EPB41L4B: variants seen among roughly 807,000 people sequenced by gnomAD.
EPB41L4B encodes the protein erythrocyte membrane protein band 4.1 like 4B, also known as band 4.1-like protein 4B.
In EPB41L4B, 30 loss-of-function variants were observed where a neutral mutation model predicts 112.5. The ratio of observed to expected loss-of-function variants is 0.27; its 90% confidence interval spans 0.20 to 0.36. The LOEUF (loss-of-function observed/expected upper bound fraction) is 0.36, where lower values mean the gene tolerates loss of function less well. EPB41L4B is among the 10% of genes least tolerant of loss of function. The pLI is 1.00. For synonymous variants in EPB41L4B, 408 were observed against 439.7 expected (o/e 0.93, Z 0.90); for missense variants, 1,024 against 1,133.3 (o/e 0.90, Z 1.38).
chr9:109,289,188 T>C (rs1836427609), intron 1 of EPB41L4B, among the ~76,000 whole-genome samples: 1 of 152,162 alleles, frequency 6.6e-6, no homozygotes, highest in South Asian at 2.1e-4. Flanking sequence ...CCTAACCTAA[T>C]TCAAGTTTTA....
chr9:109,320,645 C>G lies in EPB41L4B; in HGVS notation c.-199G>C, dbSNP rs1197971112. ...TAGCCGCCTGCGGGGCGCGCCGGCC[C>G]GGCCAGCGCCGGCTGCGAGTGGCCG... On this transcript the variant is annotated 5_prime_UTR_variant, in exon 1 of 26. Coordinates refer to ENST00000374566, the MANE Select transcript of EPB41L4B (RefSeq NM_019114.5). 1.3e-5 allele frequency: 2 copies of G among 148,456 alleles called. No homozygotes were observed. The highest frequency in any genetic ancestry group is 1.4e-4 in the Admixed American group (2 of 14,624). The allele number at this position is 148,456 out of a possible 1,614,324, so 9.2% of individuals were successfully genotyped here. A position where few individuals can be genotyped will look rare whatever the true frequency, so the allele number is the denominator to read the frequency against.
At chr9:109,245,071 A>C (rs917374507) in intron 14 of EPB41L4B, among the ~76,000 whole-genome samples, 1 of 152,204 alleles carries the variant, frequency 6.6e-6, no homozygotes, top group Non-Finnish European at 1.5e-5. Flanking sequence ...TCTGGAGAAA[A>C]TACCTCAGTA....
intron 18 of EPB41L4B, among the ~76,000 whole-genome samples, chr9:109,207,687 G>A (rs918157751): frequency 6.6e-5 from 10 of 152,158 alleles, no homozygotes; most frequent in African/African-American, 2.4e-4. Context: ...GGTGACTTAT[G>A]CACAATAACA....
rs532957766 is a variant in EPB41L4B, at chr9:109,247,683, C to A, written c.1344+73G>T. 3.6e-6 allele frequency: 4 copies of A among 1,126,554 alleles called. No homozygotes were observed. The African/African-American group carries it at 4.7e-5, about 13-fold the overall frequency. The allele number at this position is 1,126,554 out of a possible 1,614,324, so 69.8% of individuals were successfully genotyped here. Reference sequence around the variant, plus strand: ...CATTATGGAAAATTTAGAAACTTTACAAAAACCTTTTTTTAAATTTTATTT... The same window carrying A: ...CATTATGGAAAATTTAGAAACTTTAAAAAAACCTTTTTTTAAATTTTATTT... On this transcript the variant is annotated intron_variant, in intron 14 of 25. Transcript: ENST00000374566.
At chr9:109,307,913 G>T (rs1329230018) in intron 1 of EPB41L4B, among the ~76,000 whole-genome samples, 1 of 152,100 alleles carries the variant, frequency 6.6e-6, no homozygotes, top group Non-Finnish European at 1.5e-5. Context: ...AGCTACACTT[G>T]TTACACCCTT....
chr9:109,309,048 C>A (rs1339858700), intron 1 of EPB41L4B, among the ~76,000 whole-genome samples: 1 of 151,872 alleles, frequency 6.6e-6, no homozygotes, highest in Non-Finnish European at 1.5e-5. Flanking sequence ...GCACTCCAGC[C>A]TAGGTGACGA....
Position 109,315,595 on chromosome 9 carries a change from C to T in EPB41L4B, c.306+4546G>A, listed in dbSNP as rs115831042. The stretch of plus-strand genomic sequence containing the variant: ...TGACAATCAGGGTTCCCAAAGCAGC[C>T]GGTTCCAACTCTTTCACTGACTGAC... On this transcript the variant is annotated intron_variant, in intron 1 of 25. Coordinates refer to ENST00000374566, the MANE Select transcript of EPB41L4B (RefSeq NM_019114.5). Among the ~76,000 whole-genome samples, 4 of 152,242 alleles carry T rather than the reference C, an allele frequency of 2.6e-5. No individual in the cohort carries two copies. The South Asian group carries it at 8.3e-4, about 32-fold the overall frequency.
Position 109,182,766 on chromosome 9 carries a change from G to T in EPB41L4B, c.2450C>A (p.Pro817Gln), listed in dbSNP as rs1305888287. The change falls in exon 24 of 26, where the codon CCG becomes CAG. Residue 817 changes from proline (P) to glutamine (Q), a missense_variant. By Grantham distance (76) the Pro-to-Gln change is moderately conservative. Coordinates refer to ENST00000374566, the MANE Select transcript of EPB41L4B (RefSeq NM_019114.5). ...IKTFPVDTMNPFPDTFTTGPQ... is the reference protein window; with the variant it reads ...IKTFPVDTMNQFPDTFTTGPQ... ...CCCTGTGGTGAAAGTATCAGGAAAC[G>T]GGTTCATTGTATCAACCGGGAATGT... is the stretch of plus-strand genomic sequence containing the variant. 20 of 1,612,776 alleles carry T rather than the reference G, an allele frequency of 1.2e-5. No homozygotes were observed. The highest frequency in any genetic ancestry group is 1.7e-5 in the Non-Finnish European group (20 of 1,178,898).
chr9:109,194,626 G>GTGA (rs1832580897), intron 20 of EPB41L4B, among the ~76,000 whole-genome samples: 1 of 145,938 alleles, frequency 6.9e-6, no homozygotes, highest in African/African-American at 2.7e-5. Context: ...TGTTTTGTTG[G>GTGA]TAAAATATAT....
intron 15 of EPB41L4B, among the ~76,000 whole-genome samples, chr9:109,233,525 C>A (rs1001609207): frequency 1.3e-5 from 2 of 150,726 alleles, no homozygotes; most frequent in African/African-American, 4.9e-5. Flanking sequence ...TTTCTGGGAA[C>A]CTACTTTTTT....
intron 19 of EPB41L4B, 90 bp downstream of exon 19, chr9:109,203,573 A>G: frequency 9.5e-7 from 1 of 1,053,402 alleles, no homozygotes; most frequent in Non-Finnish European, 1.4e-6. Context: ...CTCTGATTTT[A>G]TCAGCTAATG....
At position 109,241,570 on chromosome 9, in the gene EPB41L4B, G is replaced by A. The variant is rs149000673; in HGVS notation, c.1409+2048C>T. 2.8e-4 allele frequency: 442 copies of A among 1,574,024 alleles called. 4 individuals carry two copies. In the East Asian group the frequency reaches 6.6e-3, roughly 24 times the overall value. On this transcript the variant is annotated intron_variant, in intron 15 of 25. Transcript: ENST00000374566. ...TCAGGACTACTCCTTAAAGACACTC[G>A]TCCAAACACATCCATCCATCTGAGG...
chr9:109,174,390 C>T lies in EPB41L4B; in HGVS notation c.*164G>A, dbSNP rs1453585134. 8 of 645,942 alleles carry T rather than the reference C, an allele frequency of 1.2e-5. No individual in the cohort carries two copies. The Admixed American group carries it at 1.7e-4, about 14-fold the overall frequency. 40.0% of individuals were successfully genotyped at this position (645,942 alleles called of 1,614,324 possible). A position where few individuals can be genotyped will look rare whatever the true frequency, so the allele number is the denominator to read the frequency against. On this transcript the variant is annotated 3_prime_UTR_variant, in exon 26 of 26. Coordinates refer to ENST00000374566, the MANE Select transcript of EPB41L4B (RefSeq NM_019114.5). ...CTAATGCTTAGGAGACATAAAATAA[C>T]TTTTCCCATAAAAGTCAAGCCAGAA...
intron 15 of EPB41L4B, among the ~76,000 whole-genome samples, chr9:109,238,944 G>A (rs1308516902): frequency 1.3e-5 from 2 of 152,236 alleles, no homozygotes; most frequent in Non-Finnish European, 2.9e-5. Context: ...ATATATGCTA[G>A]AGCAAGAGGA....
intron 15 of EPB41L4B, among the ~76,000 whole-genome samples, chr9:109,229,465 G>A (rs1467353375): frequency 1.3e-5 from 2 of 152,278 alleles, no homozygotes; most frequent in South Asian, 2.1e-4. Context: ...CAGTGCACAC[G>A]TATCAAGTGC....
intron 16 of EPB41L4B, among the ~76,000 whole-genome samples, chr9:109,215,580 A>G (rs1833332988): frequency 1.3e-5 from 2 of 152,080 alleles, no homozygotes; most frequent in South Asian, 4.1e-4. Flanking sequence ...CTCTGCCTCC[A>G]AGTTTCAAGC....
In EPB41L4B at chr9:109,256,467, C is replaced by T. The variant is rs775911114; in HGVS notation, c.766G>A (p.Ala256Thr). The change falls in exon 8 of 26, where the codon GCC becomes ACC. Residue 256 changes from alanine to threonine, a missense_variant. Ala to Thr is a moderately conservative substitution (Grantham distance 58). Coordinates refer to ENST00000374566, the MANE Select transcript of EPB41L4B (RefSeq NM_019114.5). ...TTCAGATAGGAGAGTTCCGCCTGGGCAGGGCTCTTTCCCCTTAGAAAAACC... is the reference window on the plus strand; with the variant it reads ...TTCAGATAGGAGAGTTCCGCCTGGGTAGGGCTCTTTCCCCTTAGAAAAACC... ...RWKECRGKSP[A>T]QAELSYLNKA... is the part of the protein sequence containing the mutation. 4 of 1,614,040 alleles carry T rather than the reference C, an allele frequency of 2.5e-6. No individual in the cohort carries two copies. In the South Asian group the frequency reaches 4.4e-5, roughly 18 times the overall value.
chr9:109,311,713 G>A (rs879513398), intron 1 of EPB41L4B, among the ~76,000 whole-genome samples: 1 of 152,218 alleles, frequency 6.6e-6, no homozygotes, highest in Non-Finnish European at 1.5e-5. Context: ...GACCTTCCCA[G>A]GGAGTTCTAA....
At chr9:109,270,302 G>A (rs976319707) in intron 2 of EPB41L4B, among the ~76,000 whole-genome samples, 1 of 152,216 alleles carries the variant, frequency 6.6e-6, no homozygotes, top group Non-Finnish European at 1.5e-5. Flanking sequence ...GATACATCCA[G>A]AAGGAATTGT....
Sources: gnomAD v4.1 joint callset for allele counts (sites outside exome capture counted in the v4.1 genomes callset) on GRCh38, gnomAD v4.1.1 for gene constraint, MANE v1.5 for transcripts, NCBI Gene and HGNC (gene_info 2026-07-23, HGNC 2026-07-21) for gene names.